Variants in SOX5 observed in about 807,000 individuals in gnomAD.
The protein encoded by SOX5 is SRY-box transcription factor 5.
SOX5 carries 9 observed loss-of-function variants against 92.0 expected under a neutral mutation model. The observed-to-expected ratio is 0.10, with a 90% CI of 0.06 to 0.17. The LOEUF is 0.17. Among genes scored for constraint, SOX5 ranks in the 10% least tolerant of loss-of-function variants. The pLI is 1.00. For synonymous variants in SOX5, 344 were observed against 336.3 expected (o/e 1.02, Z -0.25); for missense variants, 642 against 944.5 (o/e 0.68, Z 4.20).
At chr12:24,284,220 C>A (rs563495120) in intron 2 of SOX5, among the ~76,000 whole-genome samples, 1 of 152,304 alleles carries the variant, frequency 6.6e-6, no homozygotes, top group South Asian at 2.1e-4. Flanking sequence ...GCCACTGCCT[C>A]ATTTGCCCTG....
At chr12:24,416,201 A>T (rs1250713072) in intron 1 of SOX5, among the ~76,000 whole-genome samples, 1 of 152,168 alleles carries the variant, frequency 6.6e-6, no homozygotes, top group Non-Finnish European at 1.5e-5. Flanking sequence ...GGACTTACAC[A>T]TTTTCATCTC....
At chr12:23,917,753 T>A (rs2097432715) in intron 1 of SOX5, among the ~76,000 whole-genome samples, 1 of 152,152 alleles carries the variant, frequency 6.6e-6, no homozygotes, top group South Asian at 2.1e-4. Context: ...TGGTTCCTCT[T>A]ACTGCTGATA....
chr12:24,085,820 A>C (rs1181547373), intron 4 of SOX5, among the ~76,000 whole-genome samples: 1 of 151,984 alleles, frequency 6.6e-6, no homozygotes, highest in Non-Finnish European at 1.5e-5. Context: ...TGGGTAAAGA[A>C]ATTAACTGTG....
At chr12:24,080,634 A>G (rs12319043) in intron 4 of SOX5, among the ~76,000 whole-genome samples, 7,751 of 151,982 alleles carry the variant, frequency 0.051, 263 homozygotes, top group Middle Eastern at 0.11. Flanking sequence ...CCAATGTTTG[A>G]AGATCTGCTT....
chr12:24,423,418 T>A (rs557471427), intron 1 of SOX5, among the ~76,000 whole-genome samples: 1 of 152,198 alleles, frequency 6.6e-6, no homozygotes, highest in Admixed American at 6.5e-5. Context: ...CTATACACTA[T>A]CAAAGAGTAT....
At chr12:24,513,318 G>C (rs529407818) in intron 1 of SOX5, among the ~76,000 whole-genome samples, 1 of 152,214 alleles carries the variant, frequency 6.6e-6, no homozygotes, top group Admixed American at 6.5e-5. Context: ...ATTGTAAGTC[G>C]AGGAGCAACT....
intron 8 of SOX5, among the ~76,000 whole-genome samples, chr12:23,623,594 C>G (rs557906271): frequency 1.3e-5 from 2 of 152,084 alleles, no homozygotes; most frequent in Admixed American, 1.3e-4. Flanking sequence ...AGAAATATTA[C>G]AAAGCAAATA....
intron 14 of SOX5, among the ~76,000 whole-genome samples, chr12:23,536,012 T>C (rs1307189878): frequency 6.6e-6 from 1 of 152,196 alleles, no homozygotes; most frequent in Non-Finnish European, 1.5e-5. Context: ...AGGCCACACA[T>C]GTACCTTGAT....
intron 4 of SOX5, among the ~76,000 whole-genome samples, chr12:24,145,338 G>A (rs150053891): frequency 1.1e-4 from 17 of 152,180 alleles, no homozygotes; most frequent in African/African-American, 3.9e-4. Flanking sequence ...ATCCAACCAT[G>A]ACAATAACAA....
intron 9 of SOX5, among the ~76,000 whole-genome samples, chr12:23,600,315 T>A (rs2074270212): frequency 6.6e-6 from 1 of 151,894 alleles, no homozygotes; most frequent in Admixed American, 6.6e-5. Flanking sequence ...TGCGAAGAGC[T>A]AAACATATTC....
chr12:24,068,348 T>C (rs950823841), intron 4 of SOX5, among the ~76,000 whole-genome samples: 9 of 151,994 alleles, frequency 5.9e-5, no homozygotes, highest in Admixed American at 2.0e-4. Flanking sequence ...CCAAAAGAAA[T>C]CTGAAACCTT....
intron 4 of SOX5, among the ~76,000 whole-genome samples, chr12:24,039,116 T>C: frequency 6.6e-6 from 1 of 152,106 alleles, no homozygotes; most frequent in Non-Finnish European, 1.5e-5. Context: ...AAATAGCATT[T>C]CTAATGGTAA....
intron 2 of SOX5, among the ~76,000 whole-genome samples, chr12:24,283,558 GA>G (rs1359806617): frequency 2.0e-5 from 3 of 152,134 alleles, no homozygotes; most frequent in Non-Finnish European, 4.4e-5. Context: ...TCCTTACTTG[GA>G]AAAGTGTTAT....
chr12:23,985,276 A>T (rs1196292911), intron 4 of SOX5, among the ~76,000 whole-genome samples: 1 of 151,828 alleles, frequency 6.6e-6, no homozygotes, highest in African/African-American at 2.4e-5. Context: ...ACAGGGTCCC[A>T]CTCCATCACC....
chr12:24,149,081 TC>T (rs745807847), intron 4 of SOX5, among the ~76,000 whole-genome samples: 10 of 152,092 alleles, frequency 6.6e-5, no homozygotes, highest in Non-Finnish European at 1.3e-4. Context: ...TAATATTGAT[TC>T]AAAATGGATC....
At chr12:23,917,889 T>C (rs1209206777) in intron 1 of SOX5, among the ~76,000 whole-genome samples, 1 of 152,194 alleles carries the variant, frequency 6.6e-6, no homozygotes, top group Non-Finnish European at 1.5e-5. Flanking sequence ...ATGGAAATTA[T>C]AATGGTATGA....
chr12:23,867,016 G>A (rs973162792), intron 2 of SOX5, among the ~76,000 whole-genome samples: 10 of 149,462 alleles, frequency 6.7e-5, no homozygotes, highest in East Asian at 3.9e-4. Flanking sequence ...CTGGCCATGC[G>A]TTCCTTATTT....
rs756330009 is a variant in SOX5 at position 23,534,193 on chromosome 12, A to G, written c.*26T>C. 6.2e-7 allele frequency: 1 copy of G among 1,600,330 alleles called. No individual in the cohort carries two copies. The highest frequency in any genetic ancestry group is 1.1e-5 in the South Asian group (1 of 89,596). On this transcript the variant is annotated 3_prime_UTR_variant, in exon 15 of 15. Coordinates refer to ENST00000451604, the MANE Select transcript of SOX5 (RefSeq NM_006940.6). Reference sequence around the variant, plus strand: ...CCAGTTAGGGCTTCTTTAAGTCCTAAGGTCACAACAATCTTTTGACCCTTA... The same window carrying G: ...CCAGTTAGGGCTTCTTTAAGTCCTAGGGTCACAACAATCTTTTGACCCTTA...
intron 3 of SOX5, among the ~76,000 whole-genome samples, chr12:24,226,894 T>C (rs1962162474): frequency 6.6e-6 from 1 of 152,076 alleles, no homozygotes; most frequent in Non-Finnish European, 1.5e-5. Context: ...ATAAATCTAC[T>C]GGATCCAACA....
Sources: allele counts gnomAD v4.1 joint callset (sites outside exome capture counted in the v4.1 genomes callset), GRCh38; gene constraint gnomAD v4.1.1; transcripts MANE v1.5; gene names NCBI Gene and HGNC (gene_info 2026-07-23, HGNC 2026-07-21).